The following GNPTAB variants were observed in gnomAD, a reference collection of about 807,000 sequenced individuals.
The protein encoded by GNPTAB is N-acetylglucosamine-1-phosphotransferase subunits alpha/beta.
In GNPTAB, 92 loss-of-function variants were observed where a neutral mutation model predicts 136.6. That is an observed-to-expected ratio of 0.67 (90% CI 0.57 to 0.80). The LOEUF (loss-of-function observed/expected upper bound fraction) is 0.80. Among genes scored for constraint, GNPTAB ranks in the 30% least tolerant of loss-of-function variants. GNPTAB has a pLI of 0.00. For missense variants in GNPTAB, 1,343 were observed against 1,501.8 expected, an observed-to-expected ratio of 0.89 and a Z score of 1.75; for synonymous variants, 512 against 535.1, an observed-to-expected ratio of 0.96 and a Z score of 0.60.
chr12:101,826,840 T>C (rs1871106627), intron 1 of GNPTAB, among the ~76,000 whole-genome samples: 1 of 152,152 alleles, frequency 6.6e-6, no homozygotes, highest in Admixed American at 6.5e-5. Flanking sequence ...GTAACACCAT[T>C]TGTGGAGCTA....
intron 11 of GNPTAB, among the ~76,000 whole-genome samples, 192 bp from the exon 12 acceptor site, chr12:101,766,486 A>C (rs1953096330): frequency 6.6e-6 from 1 of 152,002 alleles, no homozygotes; most frequent in South Asian, 2.1e-4. Flanking sequence ...AAAAACACAA[A>C]AATTAGCTGG....
At position 101,770,571 on chromosome 12, in the gene GNPTAB, T is replaced by C; in HGVS notation, c.948A>G (p.Glu316=). The part of the protein sequence containing the change: ...LSAISQSKQD[E]DISASRFEDN... ...CTTCAAAACGACTGGCAGAGATGTCTTCATCCTGCTTAGACTGAGAAAAAC... is the reference window on the plus strand; with the variant it reads ...CTTCAAAACGACTGGCAGAGATGTCCTCATCCTGCTTAGACTGAGAAAAAC... Residue 316 remains glutamate, a synonymous_variant, in exon 9 of 21, where the codon GAA becomes GAG. Transcript: ENST00000299314. 6.2e-7 allele frequency: 1 copy of C among 1,611,678 alleles called. No homozygotes were observed. The highest frequency in any genetic ancestry group is 8.5e-7 in the Non-Finnish European group (1 of 1,177,798).
chr12:101,778,849 T>G (rs565601107), intron 7 of GNPTAB: 2 of 151,984 alleles, frequency 1.3e-5, no homozygotes, highest in Non-Finnish European at 2.9e-5. Context: ...GAGGTTGCAG[T>G]GTGCCCAGAT....
chr12:101,803,991 G>A (rs1594248823), intron 1 of GNPTAB, among the ~76,000 whole-genome samples: 1 of 152,046 alleles, frequency 6.6e-6, no homozygotes, highest in East Asian at 1.9e-4. Flanking sequence ...CAGTACTTTG[G>A]GAGGCCGAGG....
At chr12:101,756,477 GGTGGGA>G (rs1421567736) in intron 18 of GNPTAB, 1 of 397,596 alleles carries the variant, frequency 2.5e-6, no homozygotes, top group African/African-American at 2.2e-5. Flanking sequence ...AGGAGGCTGA[GGTGGGA>G]GGATTGCTTG....
chr12:101,789,988 C>A lies in GNPTAB; in HGVS notation c.273G>T (p.Lys91Asn), dbSNP rs1319700606. 6.2e-7 allele frequency: 1 copy of A among 1,614,168 alleles called. No individual in the cohort carries two copies. The highest frequency in any genetic ancestry group is 1.7e-5 in the Admixed American group (1 of 60,016). Residue 91 changes from lysine to asparagine, a missense_variant, in exon 3 of 21, where the codon AAG becomes AAT. Physicochemically the swap from Lys to Asn is moderately conservative, Grantham distance 94. Coordinates refer to ENST00000299314, the MANE Select transcript of GNPTAB (RefSeq NM_024312.5). ...WVNGTDLELL[K>N]ELQQVREQME... ...TCTGTTCTCTGACCTGCTGTAGTTC[C>A]TTCAGTAGTTCAAGATCTGTGCCAT... is the stretch of plus-strand genomic sequence containing the variant.
At chr12:101,778,634 C>G (rs1235105316) in intron 7 of GNPTAB, 1 of 152,226 alleles carries the variant, frequency 6.6e-6, no homozygotes, top group African/African-American at 2.4e-5. Context: ...GGGCAAGGAG[C>G]AGTGGCTCAC....
intron 15 of GNPTAB, among the ~76,000 whole-genome samples, chr12:101,760,665 C>T (rs1392580647): frequency 1.3e-5 from 2 of 151,986 alleles, no homozygotes; most frequent in Non-Finnish European, 2.9e-5. Context: ...ATAATTCTAG[C>T]ACTAAAACAG....
At chr12:101,808,537 G>A (rs998111440) in intron 1 of GNPTAB, among the ~76,000 whole-genome samples, 8 of 151,898 alleles carry the variant, frequency 5.3e-5, no homozygotes, top group African/African-American at 7.3e-5. Flanking sequence ...GCAAGACTCC[G>A]TCTCCAAAAA....
intron 1 of GNPTAB, among the ~76,000 whole-genome samples, chr12:101,819,149 T>G (rs1010777761): frequency 2.6e-5 from 4 of 152,038 alleles, no homozygotes; most frequent in African/African-American, 9.7e-5. Flanking sequence ...GTATCTGGGA[T>G]TACAGGTGCC....
intron 7 of GNPTAB, 140 bp downstream of exon 7, chr12:101,780,012 C>T: frequency 1.2e-6 from 1 of 845,050 alleles, no homozygotes; most frequent in Non-Finnish European, 2.0e-6. Flanking sequence ...AGGAGTGAGG[C>T]TCTTCTGGCA....
At position 101,830,812 on chromosome 12, in the gene GNPTAB, A is replaced by G. The variant is rs1258339718; in HGVS notation, c.-137T>C. The G allele has an allele frequency of 6.6e-6, 2 of 301,638 alleles. No homozygotes were observed. The highest frequency in any genetic ancestry group is 1.2e-5 in the Non-Finnish European group (2 of 162,108). 18.7% of individuals were successfully genotyped at this position (301,638 alleles called of 1,614,324 possible). On this transcript the variant is annotated 5_prime_UTR_variant, in exon 1 of 21. Coordinates refer to ENST00000299314, the MANE Select transcript of GNPTAB (RefSeq NM_024312.5). ...ACAGCCTCCGGGCGCCGCTCATTGC[A>G]GCTCCGGCGACGGACGCCCGCTCGG...
intron 1 of GNPTAB, among the ~76,000 whole-genome samples, chr12:101,804,639 T>C (rs1362318450): frequency 6.6e-6 from 1 of 152,212 alleles, no homozygotes; most frequent in African/African-American, 2.4e-5. Flanking sequence ...ATTCACTACC[T>C]TAATCACCTA....
intron 5 of GNPTAB, among the ~76,000 whole-genome samples, chr12:101,784,495 A>G (rs889647321): frequency 6.6e-6 from 1 of 152,200 alleles, no homozygotes; most frequent in Non-Finnish European, 1.5e-5. Context: ...CTGCTATATT[A>G]TTCTTTTCAT....
At chr12:101,807,296 C>T (rs1467151488) in intron 1 of GNPTAB, among the ~76,000 whole-genome samples, 17 of 152,116 alleles carry the variant, frequency 1.1e-4, no homozygotes, top group Admixed American at 1.1e-3. Flanking sequence ...GATAGAGCAT[C>T]CACAAAAACA....
chr12:101,821,565 A>G (rs1870804684), intron 1 of GNPTAB, among the ~76,000 whole-genome samples: 1 of 152,318 alleles, frequency 6.6e-6, no homozygotes, highest in African/African-American at 2.4e-5. Flanking sequence ...ACAGTTGCAG[A>G]CTCATCCAAA....
chr12:101,765,756 C>A (rs1594215308), intron 12 of GNPTAB: 1 of 359,912 alleles, frequency 2.8e-6, no homozygotes, highest in East Asian at 6.6e-5. Context: ...ACGCTATCAA[C>A]AAAATCCAGT....
rs779474781 is a variant in GNPTAB, at chr12:101,764,578, CCTAAG to C, written c.2334_2338del (p.Ser778ArgfsTer4). 9.9e-6 allele frequency: 16 copies of C among 1,614,100 alleles called. No individual in the cohort carries two copies. Among genetic ancestry groups the C allele is most frequent in the Non-Finnish European group, 1.4e-5 (16 of 1,180,004 alleles). ...CAACCTCTGCAATCTTTCAGACACT[CCTAAG>C]CTGTTTGGCAAGATGCTTTTATGAA... is the stretch of plus-strand genomic sequence containing the variant. On this transcript the variant is annotated frameshift_variant, in exon 13 of 21. Coordinates refer to ENST00000299314, the MANE Select transcript of GNPTAB (RefSeq NM_024312.5). LOFTEE classifies it high-confidence loss of function.
At chr12:101,752,495 A>T (rs985973100) in intron 19 of GNPTAB, among the ~76,000 whole-genome samples, 6 of 152,234 alleles carry the variant, frequency 3.9e-5, no homozygotes, top group Non-Finnish European at 7.3e-5. Flanking sequence ...GTTGGTTATA[A>T]AGGCTAACCA....
Sources: allele counts gnomAD v4.1 joint callset (sites outside exome capture counted in the v4.1 genomes callset), GRCh38; gene constraint gnomAD v4.1.1; transcripts MANE v1.5; gene names NCBI Gene and HGNC (gene_info 2026-07-23, HGNC 2026-07-21).